TRIM14: variants seen among roughly 807,000 people sequenced by gnomAD.
TRIM14 encodes tripartite motif containing 14.
A neutral mutation model predicts 44.5 loss-of-function variants in TRIM14; 28 were observed. The observed-to-expected ratio is 0.63, with a 90% CI of 0.47 to 0.86. The LOEUF (loss-of-function observed/expected upper bound fraction) is 0.86, where lower values mean the gene tolerates loss of function less well. Ranked by LOEUF, TRIM14 falls within the 40% of genes least tolerant of loss-of-function variation. The pLI, the probability that TRIM14 is intolerant of heterozygous loss-of-function variation, is 0.00. For missense variants in TRIM14, 607 were observed against 611.1 expected (o/e 0.99, Z 0.07); for synonymous variants, 299 against 269.2 (o/e 1.11, Z -1.08).
chr9:98,064,317 G>A (rs936064409), downstream of TRIM14, among the ~76,000 whole-genome samples: 1 of 151,806 alleles, frequency 6.6e-6, no homozygotes, highest in African/African-American at 2.4e-5. Flanking sequence ...GCAATGGCAC[G>A]ATCTTGGCTC....
At chr9:98,065,308 CTTTTTTT>C (rs758040892), downstream of TRIM14, among the ~76,000 whole-genome samples, 72 of 92,764 alleles carry the variant, frequency 7.8e-4, no homozygotes, top group Admixed American at 1.9e-3. Context: ...ACTCCTGGTG[CTTTTTTT>C]TTTTTTTTTT....
chr9:98,091,784 AAAAT>A (rs10623512), intron 5 of TRIM14, 121 bp downstream of exon 5: 60 of 467,688 alleles, frequency 1.3e-4, no homozygotes, highest in South Asian at 9.1e-4. Flanking sequence ...ACAAGTTCTT[AAAAT>A]AAATAAATAA....
the TRIM14 span, among the ~76,000 whole-genome samples, chr9:98,050,333 T>C: frequency 3.5e-4 from 54 of 152,362 alleles, 1 homozygote; most frequent in Admixed American, 7.2e-4. Context: ...TAGTCATTCA[T>C]GTCACCATCC....
downstream of TRIM14, among the ~76,000 whole-genome samples, chr9:98,080,554 CT>C (rs1829807085): frequency 6.6e-6 from 1 of 152,184 alleles, no homozygotes; most frequent in Non-Finnish European, 1.5e-5. Flanking sequence ...GTGAAACATT[CT>C]TAAAATGCAT....
chr9:98,097,391 A>G (rs1826225436), intron 3 of TRIM14, among the ~76,000 whole-genome samples: 2 of 152,076 alleles, frequency 1.3e-5, no homozygotes, highest in South Asian at 2.1e-4. Flanking sequence ...AAGCTCTCAC[A>G]TGTACACAGT....
At chr9:98,109,319 C>T (rs1220393325) in intron 2 of TRIM14, among the ~76,000 whole-genome samples, 1 of 152,018 alleles carries the variant, frequency 6.6e-6, no homozygotes, top group Non-Finnish European at 1.5e-5. Flanking sequence ...ACGGAGGATG[C>T]AAGGGGAAAT....
At chr9:98,110,407 C>A (rs1826799344) in intron 1 of TRIM14, among the ~76,000 whole-genome samples, 1 of 152,198 alleles carries the variant, frequency 6.6e-6, no homozygotes, top group Non-Finnish European at 1.5e-5. Flanking sequence ...TCCAGGGAGT[C>A]TGTGACCCTC....
At chr9:98,070,637 C>T (rs1304058577) in intron 6 of TRIM14, among the ~76,000 whole-genome samples, 1 of 151,986 alleles carries the variant, frequency 6.6e-6, no homozygotes, top group Non-Finnish European at 1.5e-5. Flanking sequence ...CCAGGCTGGT[C>T]TCAAACTCCC....
At chr9:98,038,708 TGATC>T in the TRIM14 span, among the ~76,000 whole-genome samples, 1 of 152,188 alleles carries the variant, frequency 6.6e-6, no homozygotes, top group African/African-American at 2.4e-5. Flanking sequence ...ATTTTCTCTG[TGATC>T]AGAGTCCGCT....
At position 98,099,952 on chromosome 9, in the gene TRIM14, G is replaced by A. The variant is rs144080135; in HGVS notation, c.516C>T (p.Pro172=). 180 of 1,613,294 alleles carry A rather than the reference G, an allele frequency of 1.1e-4. No homozygotes were observed. The highest frequency in any genetic ancestry group is 1.4e-4 in the Non-Finnish European group (165 of 1,179,970). ...TTACCTGAAGCCTCTGGACAGGATC[G>A]GGCTCCTGGCTGATACTCCAGACCC... ...SNRVWSISQE[P]DPVQRLQAYT... is the part of the protein sequence containing the mutation. Residue 172 remains proline, a synonymous_variant, in exon 3 of 6, where the codon CCC becomes CCT. Coordinates refer to ENST00000341469, the MANE Select transcript of TRIM14 (RefSeq NM_014788.4).
At chr9:98,048,046 T>C in the TRIM14 span, among the ~76,000 whole-genome samples, 197 of 140,278 alleles carry the variant, frequency 1.4e-3, no homozygotes, top group Non-Finnish European at 2.5e-3. Flanking sequence ...GCCTGGGTGA[T>C]GGTGTGAGAC....
At chr9:98,074,176 A>G (rs543871630) in intron 6 of TRIM14, among the ~76,000 whole-genome samples, 1 of 152,210 alleles carries the variant, frequency 6.6e-6, no homozygotes. Flanking sequence ...CTAAGAAGGC[A>G]TTAAGGCAGG....
chr9:98,092,106 G>A (rs967839944), intron 4 of TRIM14, 105 bp from the exon 5 acceptor site: 19 of 794,302 alleles, frequency 2.4e-5, no homozygotes, highest in East Asian at 2.0e-4. Flanking sequence ...TCTCGCCCAA[G>A]AGCCAGGCAG....
At position 98,087,183 on chromosome 9, in the gene TRIM14, G is replaced by C. The variant is rs10984980; in HGVS notation, c.*287C>G. The C allele has an allele frequency of 7.0e-6, 5 of 710,466 alleles. No homozygotes were observed. The South Asian group carries it at 7.2e-5, about 10-fold the overall frequency. The allele number at this position is 710,466 out of a possible 1,614,324, so 44.0% of individuals were successfully genotyped here. A position where few individuals can be genotyped will look rare whatever the true frequency, so the allele number is the denominator to read the frequency against. On this transcript the variant is annotated 3_prime_UTR_variant, in exon 6 of 6. Transcript: ENST00000341469. ...TCAGGATGCTGAGGGCTTACCTGTG[G>C]GGGTATCACTTTGAAGGAACTGGAT...
In TRIM14 at chr9:98,119,068, G is replaced by A. The variant is rs760583179; in HGVS notation, c.121C>T (p.Arg41Cys). ...ACCGGGCAAAGCGCGCACACGCAGC[G>A]GCGGCAGCGGCGACAGAAGAGCTCA... The part of the protein sequence containing the change: ...VAELFCRRCR[R>C]CVCALCPVLG... Residue 41 changes from arginine (R) to cysteine (C), a missense_variant, in exon 1 of 6, where the codon CGC becomes TGC. By Grantham distance (180) the Arg-to-Cys change is radical. Around this residue, in one of 3 missense-constraint regions of TRIM14, gnomAD observed 246 missense variants for 270.8 expected, o/e 0.91. Coordinates refer to ENST00000341469, the MANE Select transcript of TRIM14 (RefSeq NM_014788.4). The A allele has an allele frequency of 1.6e-5, 25 of 1,580,864 alleles. No homozygotes were observed. Among genetic ancestry groups the A allele is most frequent in the Non-Finnish European group, 2.0e-5 (24 of 1,173,660 alleles).
At position 98,095,580 on chromosome 9, in the gene TRIM14, C is replaced by A. The variant is rs908655687; in HGVS notation, c.538-551G>T. Among the ~76,000 whole-genome samples, 1 of 152,208 alleles carries A rather than the reference C, an allele frequency of 6.6e-6. No individual in the cohort carries two copies. Among genetic ancestry groups the A allele is most frequent in the African/African-American group, 2.4e-5 (1 of 41,466 alleles). On this transcript the variant is annotated intron_variant, in intron 3 of 5. Transcript: ENST00000341469. This position sits in a 1 kb window ranked among gnomAD's most constrained non-coding sequence, Gnocchi z 4.1. ...TGTGGCCACCGCAGGGGACATGTGT[C>A]CTGTTTTGCACCTGGACAGCCCCTC...
downstream of TRIM14, chr9:98,082,072 GAT>G (rs1480044184): frequency 2.0e-5 from 3 of 152,118 alleles, no homozygotes; most frequent in East Asian, 5.8e-4. Context: ...TTACGTGGAG[GAT>G]ATAGAGTAAT....
chr9:98,085,139 CAGTCCAAAGGT>C lies in TRIM14; in HGVS notation c.*2320_*2330del, dbSNP rs1489870614. The C allele has an allele frequency of 6.6e-6, 1 of 152,342 alleles. No individual in the cohort carries two copies. The highest frequency in any genetic ancestry group is 1.5e-5 in the Non-Finnish European group (1 of 68,124). 9.4% of individuals were successfully genotyped at this position (152,342 alleles called of 1,614,324 possible). ...CCTCATCTCAGACCCCCAAGGAAGG[CAGTCCAAAGGT>C]AGACTCAAGTCTCGCAGAGTAACCA... On this transcript the variant is annotated 3_prime_UTR_variant, in exon 6 of 6. Coordinates refer to ENST00000341469, the MANE Select transcript of TRIM14 (RefSeq NM_014788.4).
the TRIM14 span, chr9:98,056,595 C>G: frequency 1.3e-5 from 8 of 636,378 alleles, no homozygotes; most frequent in East Asian, 2.7e-4. Context: ...CGCCCCGCCG[C>G]CCTTCCCGCG....
Sources: gnomAD v4.1 joint callset for allele counts (sites outside exome capture counted in the v4.1 genomes callset) on GRCh38, gnomAD v4.1.1 for gene constraint, gnomAD v4.1.1 regional missense constraint, Gnocchi (gnomAD v3.1) non-coding constraint, MANE v1.5 for transcripts, NCBI Gene and HGNC (gene_info 2026-07-23, HGNC 2026-07-21) for gene names.